The following CCDC63 variants were observed in gnomAD, a reference collection of about 807,000 sequenced individuals.
CCDC63 encodes the protein coiled-coil domain containing 63, also known as coiled-coil domain-containing protein 63.
A neutral mutation model predicts 63.6 loss-of-function variants in CCDC63; 54 were observed. The observed-to-expected ratio is 0.85, with a 90% CI of 0.68 to 1.07. The LOEUF (loss-of-function observed/expected upper bound fraction) is 1.07, where lower values mean the gene tolerates loss of function less well. Among genes scored for constraint, CCDC63 ranks in the 50% least tolerant of loss-of-function variants. The pLI, the probability that CCDC63 is intolerant of heterozygous loss-of-function variation, is 0.00. For synonymous variants in CCDC63, 253 were observed against 266.1 expected (o/e 0.95, Z 0.48); for missense variants, 637 against 689.6 (o/e 0.92, Z 0.86).
At chr12:110,877,211 C>A (rs1023325270) in intron 5 of CCDC63, among the ~76,000 whole-genome samples, 3 of 144,884 alleles carry the variant, frequency 2.1e-5, no homozygotes, top group African/African-American at 7.8e-5. Context: ...AAATACAGTA[C>A]AATTTTTTTT....
chr12:110,903,643 G>A (rs183981735), intron 10 of CCDC63, among the ~76,000 whole-genome samples: 39 of 152,360 alleles, frequency 2.6e-4, no homozygotes, highest in Admixed American at 2.5e-3. Context: ...GAATGAGTGA[G>A]TGAATGAATG....
chr12:110,867,383 G>C (rs1319061748), intron 4 of CCDC63, among the ~76,000 whole-genome samples: 1 of 124,680 alleles, frequency 8.0e-6, no homozygotes, highest in Non-Finnish European at 1.7e-5. Flanking sequence ...GGACAGGGCG[G>C]CTGGCCGGGC....
intron 4 of CCDC63, among the ~76,000 whole-genome samples, chr12:110,863,346 C>T (rs2070889026): frequency 6.6e-6 from 1 of 152,044 alleles, no homozygotes; most frequent in Admixed American, 6.6e-5. Flanking sequence ...TATGCCTCAT[C>T]AGTTTATGTG....
At chr12:110,901,737 C>T (rs1317560576) in intron 10 of CCDC63, among the ~76,000 whole-genome samples, 1 of 152,124 alleles carries the variant, frequency 6.6e-6, no homozygotes, top group Non-Finnish European at 1.5e-5. Flanking sequence ...CAGTTCCATC[C>T]ATGTTGTTGC....
At chr12:110,877,708 C>T (rs111922107) in intron 5 of CCDC63, among the ~76,000 whole-genome samples, 3,189 of 90,638 alleles carry the variant, frequency 0.035, 80 homozygotes, top group African/African-American at 0.069. Flanking sequence ...TTCTTTCTTT[C>T]TTTTTTTTTT....
intron 4 of CCDC63, among the ~76,000 whole-genome samples, chr12:110,861,460 C>T (rs971016650): frequency 6.6e-6 from 1 of 152,140 alleles, no homozygotes; most frequent in African/African-American, 2.4e-5. Flanking sequence ...TTTAAGCCCA[C>T]AGTACTGTCC....
At chr12:110,844,624 A>G (rs754250621), upstream of CCDC63, among the ~76,000 whole-genome samples, 32 of 152,190 alleles carry the variant, frequency 2.1e-4, no homozygotes, top group Non-Finnish European at 3.8e-4. Context: ...GCTATGCACT[A>G]ATTGGCTTAA....
intron 4 of CCDC63, among the ~76,000 whole-genome samples, chr12:110,868,220 C>T (rs1488580364): frequency 1.5e-5 from 2 of 136,186 alleles, no homozygotes; most frequent in Non-Finnish European, 1.6e-5. Flanking sequence ...GGATGGCGGC[C>T]GGGCGGAGAC....
intron 10 of CCDC63, 55 bp from the exon 11 acceptor site, chr12:110,904,533 G>A: frequency 2.6e-6 from 4 of 1,520,974 alleles, no homozygotes; most frequent in Non-Finnish European, 3.6e-6. Flanking sequence ...CACCCACAGT[G>A]CCCCCAGGCC....
At chr12:110,906,662 G>GCA (rs140510169) in intron 11 of CCDC63, among the ~76,000 whole-genome samples, 1 of 151,694 alleles carries the variant, frequency 6.6e-6, no homozygotes, top group Non-Finnish European at 1.5e-5. Flanking sequence ...CACAACACAT[G>GCA]CACACACACA....
rs780205886 is a variant in CCDC63 at position 110,899,037 on chromosome 12, C to CAA, written c.1255_1256dup (p.Lys420ArgfsTer3). On this transcript the variant is annotated frameshift_variant, in exon 10 of 12. Transcript: ENST00000308208. LOFTEE classifies it high-confidence loss of function. ...TGAAGAACTCAGTGGAGAAACTGTTCAAGAAGATAAACTGTGACGCCACCA... is the reference window on the plus strand; with the variant it reads ...TGAAGAACTCAGTGGAGAAACTGTTCAAAAGAAGATAAACTGTGACGCCACCA... 6.2e-6 allele frequency: 10 copies of CAA among 1,613,742 alleles called. 1 individual carries two copies. In the South Asian group the frequency reaches 9.9e-5, roughly 16 times the overall value.
At chr12:110,892,285 T>C (rs2071366419) in intron 8 of CCDC63, among the ~76,000 whole-genome samples, 1 of 152,056 alleles carries the variant, frequency 6.6e-6, no homozygotes, top group African/African-American at 2.4e-5. Context: ...TCATCAGAGG[T>C]TGGGCACAGT....
In CCDC63 at chr12:110,858,769, T is replaced by C. The variant is rs1271691659; in HGVS notation, c.363T>C (p.Asp121=). 3 of 1,612,986 alleles carry C rather than the reference T, an allele frequency of 1.9e-6. No individual in the cohort carries two copies. Among genetic ancestry groups the C allele is most frequent in the Non-Finnish European group, 2.5e-6 (3 of 1,179,514 alleles). ...TGAAAGTGCTGTTGGCTGAACTGGA[T>C]GAGAAGGTGTGGTCTTTCTCTTAAA... ...KSLKVLLAEL[D]EKILQMEKKI... The change falls in exon 4 of 12, where the codon GAT becomes GAC. Residue 121 remains aspartate, a synonymous_variant. Coordinates refer to ENST00000308208, the MANE Select transcript of CCDC63 (RefSeq NM_152591.3).
At chr12:110,891,311 AAAACAAAC>A (rs140894091) in intron 8 of CCDC63, among the ~76,000 whole-genome samples, 43,629 of 150,280 alleles carry the variant, frequency 0.29, 6,476 homozygotes, top group Admixed American at 0.33. Context: ...AGCTTGTCTC[AAAACAAAC>A]AAACAAACAA....
chr12:110,905,876 G>T (rs2071554230), intron 11 of CCDC63, among the ~76,000 whole-genome samples: 1 of 28,224 alleles, frequency 3.5e-5, no homozygotes, highest in African/African-American at 1.2e-4. Flanking sequence ...ATATATGTGT[G>T]TGTGTATATA....
At chr12:110,879,641 G>A (rs2071172362) in intron 5 of CCDC63, among the ~76,000 whole-genome samples, 1 of 152,054 alleles carries the variant, frequency 6.6e-6, no homozygotes, top group Non-Finnish European at 1.5e-5. Flanking sequence ...TCTGTTAATT[G>A]CCTACAGCTG....
chr12:110,858,491 C>A, intron 3 of CCDC63, 95 bp from the exon 4 acceptor site: 1 of 1,114,130 alleles, frequency 9.0e-7, no homozygotes, highest in Non-Finnish European at 1.3e-6. Context: ...GGAAATTCCT[C>A]TCTCCCGGTC....
intron 1 of CCDC63, among the ~76,000 whole-genome samples, chr12:110,849,727 G>C (rs1369998483): frequency 6.6e-6 from 1 of 152,084 alleles, no homozygotes; most frequent in Non-Finnish European, 1.5e-5. Flanking sequence ...TCAGTCTCCT[G>C]ACCCCAAGTG....
At chr12:110,847,908 A>G (rs1593628397) in intron 1 of CCDC63, among the ~76,000 whole-genome samples, 1 of 152,354 alleles carries the variant, frequency 6.6e-6, no homozygotes, top group South Asian at 2.1e-4. Context: ...GCCTGGAGGA[A>G]ACTTCATTCA....
Sources: allele counts gnomAD v4.1 joint callset (sites outside exome capture counted in the v4.1 genomes callset), GRCh38; gene constraint gnomAD v4.1.1; transcripts MANE v1.5; gene names NCBI Gene and HGNC (gene_info 2026-07-23, HGNC 2026-07-21).